The following MYO16 variants were observed in gnomAD, a reference collection of about 807,000 sequenced individuals.
MYO16 encodes the protein myosin XVI.
In MYO16, 94 loss-of-function variants were observed where a neutral mutation model predicts 205.3. The ratio of observed to expected loss-of-function variants is 0.46; its 90% CI spans 0.39 to 0.54. The LOEUF is 0.54. Among genes scored for constraint, MYO16 ranks in the 20% least tolerant of loss-of-function variants. The pLI, the probability that MYO16 is intolerant of heterozygous loss-of-function variation, is 0.00. For missense variants in MYO16, 2,315 were observed against 2,387.5 expected (o/e 0.97, Z 0.63); for synonymous variants, 988 against 954.0 (o/e 1.04, Z -0.66).
At chr13:109,076,549 G>T (rs965272709) in intron 27 of MYO16, among the ~76,000 whole-genome samples, 3 of 152,096 alleles carry the variant, frequency 2.0e-5, no homozygotes, top group Non-Finnish European at 2.9e-5. Flanking sequence ...AACTCCTGAC[G>T]CTCCCAGTGT....
At chr13:108,688,384 G>A (rs541199031) in intron 2 of MYO16, among the ~76,000 whole-genome samples, 14 of 152,182 alleles carry the variant, frequency 9.2e-5, no homozygotes, top group Admixed American at 3.3e-4. Flanking sequence ...ATATGAATAC[G>A]AATTTGAGGC....
chr13:108,882,421 T>C (rs1296473246), intron 12 of MYO16, among the ~76,000 whole-genome samples: 4 of 152,216 alleles, frequency 2.6e-5, no homozygotes, highest in Non-Finnish European at 4.4e-5. Flanking sequence ...TCTTTGAAGA[T>C]ACAGGCCAGT....
At chr13:108,498,152 A>G in the MYO16 span, among the ~76,000 whole-genome samples, 1 of 152,206 alleles carries the variant, frequency 6.6e-6, no homozygotes. Flanking sequence ...GAGCACCTCA[A>G]AAATGTGTTT....
intron 6 of MYO16, among the ~76,000 whole-genome samples, chr13:108,798,927 G>C (rs1212078178): frequency 8.4e-5 from 12 of 143,686 alleles, no homozygotes; most frequent in Middle Eastern, 7.4e-3. Flanking sequence ...GGATGGTCTC[G>C]ATCTCCCGAC....
At chr13:109,107,905 A>C (rs1183597841) in intron 28 of MYO16, among the ~76,000 whole-genome samples, 1 of 150,810 alleles carries the variant, frequency 6.6e-6, no homozygotes, top group Admixed American at 6.6e-5. Context: ...ATGCATACAC[A>C]CACGCCATAT....
chr13:108,875,182 C>T (rs893604357), intron 12 of MYO16, among the ~76,000 whole-genome samples: 21 of 151,964 alleles, frequency 1.4e-4, no homozygotes, highest in Non-Finnish European at 2.8e-4. Flanking sequence ...TTAAAATATC[C>T]CCTGACCAAG....
chr13:109,122,663 G>C (rs974124542), intron 29 of MYO16, among the ~76,000 whole-genome samples: 6 of 146,692 alleles, frequency 4.1e-5, no homozygotes, highest in Non-Finnish European at 7.4e-5. Flanking sequence ...CTCCAGCCTG[G>C]CAACAAGAGT....
chr13:108,848,801 T>A (rs1877657750), intron 10 of MYO16, among the ~76,000 whole-genome samples: 1 of 152,050 alleles, frequency 6.6e-6, no homozygotes, highest in South Asian at 2.1e-4. Flanking sequence ...TACTATAAAG[T>A]GCGAGCCTGT....
At chr13:108,665,451 T>G (rs1881682658) in intron 1 of MYO16, among the ~76,000 whole-genome samples, 1 of 152,130 alleles carries the variant, frequency 6.6e-6, no homozygotes, top group Non-Finnish European at 1.5e-5. Flanking sequence ...AGCGTCATGA[T>G]TAGTCATCAT....
intron 23 of MYO16, among the ~76,000 whole-genome samples, chr13:109,023,523 A>AT (rs1183550900): frequency 1.7e-3 from 196 of 117,722 alleles, no homozygotes; most frequent in Non-Finnish European, 1.5e-3. Flanking sequence ...ATATATTTAT[A>AT]ATTATATATA....
the MYO16 span, among the ~76,000 whole-genome samples, chr13:108,568,558 A>G: frequency 6.6e-6 from 1 of 152,046 alleles, no homozygotes; most frequent in Non-Finnish European, 1.5e-5. Flanking sequence ...TGAGTTGTGA[A>G]AGTTCTTTAT....
chr13:108,803,687 G>A (rs1887031649), intron 6 of MYO16, among the ~76,000 whole-genome samples: 1 of 152,118 alleles, frequency 6.6e-6, no homozygotes, highest in Non-Finnish European at 1.5e-5. Flanking sequence ...CAAATGTGGA[G>A]CCTGGGATGC....
At chr13:108,784,234 T>G (rs997596006) in intron 4 of MYO16, among the ~76,000 whole-genome samples, 3 of 141,586 alleles carry the variant, frequency 2.1e-5, no homozygotes, top group Middle Eastern at 6.6e-3. Context: ...AAGTCAGGGT[T>G]TTTTTTTTCA....
intron 10 of MYO16, among the ~76,000 whole-genome samples, chr13:108,845,882 T>G (rs1400963391): frequency 3.5e-5 from 5 of 141,030 alleles, no homozygotes; most frequent in Non-Finnish European, 4.5e-5. Context: ...CTCTGCCATT[T>G]TTTTTTTTAA....
At chr13:109,067,753 C>T (rs1887798756) in intron 27 of MYO16, among the ~76,000 whole-genome samples, 1 of 152,136 alleles carries the variant, frequency 6.6e-6, no homozygotes. Flanking sequence ...AGTCCCATAC[C>T]TCTCACCAGC....
At position 109,109,611 on chromosome 13, in the gene MYO16, C is replaced by A. The variant is rs1278500294; in HGVS notation, c.3438+8724C>A. ...GGGAGGGGAGAGGACCTCACCGTGGCAACAATGAAGGTGCTTGTTAAGTTA... is the reference window on the plus strand; with the variant it reads ...GGGAGGGGAGAGGACCTCACCGTGGAAACAATGAAGGTGCTTGTTAAGTTA... On this transcript the variant is annotated intron_variant, in intron 28 of 34. Coordinates refer to ENST00000457511, the MANE Select transcript of MYO16 (RefSeq NM_001198950.3). 2.0e-5 allele frequency among the ~76,000 whole-genome samples: 3 copies of A among 150,152 alleles called. No homozygotes were observed. The South Asian group carries it at 6.2e-4, about 31-fold the overall frequency.
intron 9 of MYO16, among the ~76,000 whole-genome samples, chr13:108,838,337 A>G (rs1877036557): frequency 6.6e-6 from 1 of 152,090 alleles, no homozygotes; most frequent in East Asian, 1.9e-4. Flanking sequence ...AACATTTTGC[A>G]GATAGTTCAC....
At chr13:108,585,324 C>A in the MYO16 span, among the ~76,000 whole-genome samples, 9 of 152,316 alleles carry the variant, frequency 5.9e-5, no homozygotes, top group South Asian at 2.1e-4. Context: ...CTCAAAGAGG[C>A]AGCTTCTAGG....
chr13:108,863,412 T>C (rs1878548134), intron 11 of MYO16, among the ~76,000 whole-genome samples: 1 of 152,168 alleles, frequency 6.6e-6, no homozygotes, highest in Non-Finnish European at 1.5e-5. Context: ...ATAATGAGCA[T>C]TGGATATTAT....
Sources: gnomAD v4.1 joint callset for allele counts (sites outside exome capture counted in the v4.1 genomes callset) on GRCh38, gnomAD v4.1.1 for gene constraint, MANE v1.5 for transcripts, NCBI Gene and HGNC (gene_info 2026-07-23, HGNC 2026-07-21) for gene names.